Variants in RABL6 observed in about 807,000 individuals in gnomAD.
The protein encoded by RABL6 is rab-like protein 6.
Under a neutral mutation model 72.9 loss-of-function variants are expected in RABL6, and 28 were observed. The observed-to-expected ratio is 0.38, with a 90% CI of 0.28 to 0.53. RABL6 has a LOEUF of 0.53. RABL6 is among the 20% of genes least tolerant of loss of function. The pLI is 0.80. For synonymous variants in RABL6, 477 were observed against 421.2 expected (o/e 1.13, Z -1.62); for missense variants, 1,029 against 1,008.4 (o/e 1.02, Z -0.28).
Position 136,832,265 on chromosome 9 carries a change from A to C in RABL6, c.600A>C (p.Arg200Ser). The change falls in exon 7 of 15, where the codon AGA (arginine) becomes AGC (serine). Residue 200 changes from arginine to serine, a missense_variant and splice_region_variant. Around this residue, in one of 2 missense-constraint regions of RABL6, gnomAD observed 434 missense variants for 536.1 expected, o/e 0.81. Coordinates refer to ENST00000311502, the MANE Select transcript of RABL6 (RefSeq NM_024718.5). ...DVRDFIDNLD[R>S]PPGSSYFRYA... Reference sequence around the variant, plus strand: ...CATCTTTTTTCCTTTCTGAAAGCAGACCTCCAGGTTCCTCCTACTTCCGCT... The same window carrying C: ...CATCTTTTTTCCTTTCTGAAAGCAGCCCTCCAGGTTCCTCCTACTTCCGCT... 2.5e-6 allele frequency: 4 copies of C among 1,613,116 alleles called. No homozygotes were observed. Among genetic ancestry groups the C allele is most frequent in the Non-Finnish European group, 3.4e-6 (4 of 1,179,338 alleles).
At chr9:136,834,313 A>G (rs1203151241) in intron 7 of RABL6, 1 of 1,020,214 alleles carries the variant, frequency 9.8e-7, no homozygotes, top group Non-Finnish European at 1.2e-6. Flanking sequence ...ACAATAACAA[A>G]TTGAAAAAAT....
intron 7 of RABL6, chr9:136,834,275 C>A (rs1848543005): frequency 1.9e-6 from 2 of 1,075,432 alleles, no homozygotes; most frequent in Non-Finnish European, 2.3e-6. Flanking sequence ...GTTAAACTCA[C>A]AGAAGGTTTT....
chr9:136,808,391 G>T (rs1847916747), intron 1 of RABL6, 65 bp downstream of exon 1: 1 of 1,379,194 alleles, frequency 7.3e-7, no homozygotes, highest in Non-Finnish European at 9.4e-7. Flanking sequence ...GGCCCCGGGC[G>T]CCGCGCGGTG....
At chr9:136,821,833 G>C in intron 1 of RABL6, 3 of 1,193,732 alleles carry the variant, frequency 2.5e-6, no homozygotes, top group Non-Finnish European at 3.2e-6. Context: ...AGCCTTCCGC[G>C]GGGTGGGCTC....
rs928065345 is a variant in RABL6 at position 136,819,540 on chromosome 9, A to G, written c.131-3985A>G. Among the ~76,000 whole-genome samples, 4 of 152,286 alleles carry G rather than the reference A, an allele frequency of 2.6e-5. No individual in the cohort carries two copies. The East Asian group carries it at 7.7e-4, about 29-fold the overall frequency. On this transcript the variant is annotated intron_variant, in intron 1 of 14. Coordinates refer to ENST00000311502, the MANE Select transcript of RABL6 (RefSeq NM_024718.5). Reference sequence around the variant, plus strand: ...TGGCTATGTGGTGTATAAGAGACACATCCAAAACATAATGGTGTCGAAAGG... The same window carrying G: ...TGGCTATGTGGTGTATAAGAGACACGTCCAAAACATAATGGTGTCGAAAGG...
chr9:136,817,786 G>T (rs902390502), intron 1 of RABL6, among the ~76,000 whole-genome samples: 1 of 152,164 alleles, frequency 6.6e-6, no homozygotes, highest in Non-Finnish European at 1.5e-5. Context: ...AAAGGGGGCC[G>T]GGTGCTGGCT....
At chr9:136,824,180 C>T (rs920980280) in intron 2 of RABL6, among the ~76,000 whole-genome samples, 2 of 152,050 alleles carry the variant, frequency 1.3e-5, no homozygotes, top group Non-Finnish European at 1.5e-5. Flanking sequence ...TGGGTAGATG[C>T]GGGAAGGTGG....
At chr9:136,819,497 ATTT>A (rs914759992) in intron 1 of RABL6, among the ~76,000 whole-genome samples, 2 of 151,778 alleles carry the variant, frequency 1.3e-5, no homozygotes, top group South Asian at 4.2e-4. Context: ...GATTCGAGGA[ATTT>A]TTTTTTCTTT....
At position 136,810,527 on chromosome 9, in the gene RABL6, A is replaced by ATTTCT. The variant is rs765538814; in HGVS notation, c.130+2220_130+2224dup. ...TGTGTTAGAATAGAAAGTTTCTAGT[A>ATTTCT]TTTCTTTTCTTTTCTTTTCTTTTTT... On this transcript the variant is annotated intron_variant, in intron 1 of 14. Transcript: ENST00000311502. Among the ~76,000 whole-genome samples, 13 of 152,024 alleles carry ATTTCT rather than the reference A, an allele frequency of 8.6e-5. No individual in the cohort carries two copies. In the East Asian group the frequency reaches 1.5e-3, roughly 18 times the overall value.
At chr9:136,829,596 A>T in intron 5 of RABL6, 112 bp downstream of exon 5, 1 of 994,024 alleles carries the variant, frequency 1.0e-6, no homozygotes. Flanking sequence ...TGCAGGACCG[A>T]GGGACTCTTG....
Position 136,837,658 on chromosome 9 carries a change from T to G in RABL6, c.1122T>G (p.Pro374=). 1 of 1,584,296 alleles carries G rather than the reference T, an allele frequency of 6.3e-7. No individual in the cohort carries two copies. The highest frequency in any genetic ancestry group is 8.6e-7 in the Non-Finnish European group (1 of 1,167,090). The change falls in exon 9 of 15, where the codon CCT becomes CCG. Residue 374 remains proline, a synonymous_variant. Transcript: ENST00000311502. ...CTGCCACCGAGGCAGCCCCTCCACC[T>G]CCAGGTAGGCCCTGGAGCTGCCCCT... ...TSPATEAAPP[P]PEPVPAAEGP... is the part of the protein sequence containing the mutation.
rs985348391 is a variant in RABL6 at position 136,826,115 on chromosome 9, C to T, written c.313+289C>T. 6.6e-6 allele frequency among the ~76,000 whole-genome samples: 1 copy of T among 152,150 alleles called. No homozygotes were observed. The highest frequency in any genetic ancestry group is 2.4e-5 in the African/African-American group (1 of 41,432). ...GGGGTGTGCTTTGAGCCCCAAGGCC[C>T]AGGGTGCTATTTTGGGAGCCCTCCT... On this transcript the variant is annotated intron_variant, in intron 3 of 14. Transcript: ENST00000311502. This position sits in a 1 kb window ranked among gnomAD's most constrained non-coding sequence, Gnocchi z 4.9.
intron 1 of RABL6, among the ~76,000 whole-genome samples, chr9:136,819,324 GAAAAAAAAAA>G (rs57726746): frequency 1.7e-5 from 1 of 58,936 alleles, no homozygotes; most frequent in Non-Finnish European, 4.6e-5. Context: ...TCCGTCTCAA[GAAAAAAAAAA>G]AAAAAAAAAG....
chr9:136,839,160 C>CG, intron 11 of RABL6, 39 bp downstream of exon 11: 4 of 1,605,706 alleles, frequency 2.5e-6, no homozygotes, highest in Non-Finnish European at 3.4e-6. Flanking sequence ...CCTGGAGACC[C>CG]GGGTGGGGCA....
intron 1 of RABL6, chr9:136,813,150 C>T (rs529169700): frequency 3.8e-5 from 17 of 450,988 alleles, no homozygotes; most frequent in Middle Eastern, 7.9e-4. Context: ...CTTTGACAGA[C>T]AGTTTTAGAT....
At chr9:136,833,698 A>C in intron 7 of RABL6, 1 of 1,549,486 alleles carries the variant, frequency 6.5e-7, no homozygotes, top group Non-Finnish European at 8.7e-7. Flanking sequence ...CTGCAGCTGC[A>C]GCAGCCTTGG....
In RABL6 at chr9:136,831,881, T is replaced by TC. The variant is rs1848483880; in HGVS notation, c.599+23dup. 6.3e-7 allele frequency: 1 copy of TC among 1,598,196 alleles called. No homozygotes were observed. The highest frequency in any genetic ancestry group is 1.3e-5 in the African/African-American group (1 of 74,796). On this transcript the variant is annotated intron_variant, in intron 6 of 14. Coordinates refer to ENST00000311502, the MANE Select transcript of RABL6 (RefSeq NM_024718.5). ...GGACAGGTGGGTGCGGTGGCCCTGCTCCCGAGGGACCCTGCCCGGTGCTCC... is the reference window on the plus strand; with the variant it reads ...GGACAGGTGGGTGCGGTGGCCCTGCTCCCCGAGGGACCCTGCCCGGTGCTCC...
intron 1 of RABL6, chr9:136,814,978 C>T (rs1255368949): frequency 1.8e-5 from 3 of 171,118 alleles, no homozygotes; most frequent in African/African-American, 4.8e-5. Flanking sequence ...TCTTGGCTTT[C>T]CCAGGAACAG....
chr9:136,819,707 G>C (rs1356842343), intron 1 of RABL6, among the ~76,000 whole-genome samples: 1 of 152,196 alleles, frequency 6.6e-6, no homozygotes, highest in Non-Finnish European at 1.5e-5. Flanking sequence ...GTAGAAATGT[G>C]AAGGGTTACC....
Sources: gnomAD v4.1 joint callset for allele counts (sites outside exome capture counted in the v4.1 genomes callset) on GRCh38, gnomAD v4.1.1 for gene constraint, gnomAD v4.1.1 regional missense constraint, Gnocchi (gnomAD v3.1) non-coding constraint, MANE v1.5 for transcripts, NCBI Gene and HGNC (gene_info 2026-07-23, HGNC 2026-07-21) for gene names.